The following TNRC18 variants were observed in gnomAD, a reference collection of about 807,000 sequenced individuals.
TNRC18 encodes the protein trinucleotide repeat containing 18.
A neutral mutation model predicts 226.7 loss-of-function variants in TNRC18; 69 were observed. That is an observed-to-expected ratio of 0.30 (90% CI 0.25 to 0.37). The LOEUF is 0.37. Ranked by LOEUF, TNRC18 falls within the 10% of genes least tolerant of loss-of-function variation. The probability of loss-of-function intolerance (pLI) is 1.00; values close to 1 mark genes in which losing one functional copy is unlikely to be tolerated. For synonymous variants in TNRC18, 2,449 were observed against 1,927.6 expected (o/e 1.27, Z -7.09); for missense variants, 4,754 against 4,256.6 (o/e 1.12, Z -3.25).
rs865847388 is a variant in TNRC18 at position 5,357,029 on chromosome 7, C to T, written c.5081G>A (p.Gly1694Asp). ...GGTTTTGGCTGCCCTTTTGTGTTTA[C>T]CTTCTCTGGAGGATTTCAGAGACAG... ...LGLSLKSSREGKHKRAAKTRK... is the reference protein window; with the variant it reads ...LGLSLKSSREDKHKRAAKTRK... Residue 1694 changes from glycine (G) to aspartate (D), a missense_variant, in exon 16 of 30, where the codon GGT (glycine) becomes GAT (aspartate). By Grantham distance (94) the Gly-to-Asp change is moderately conservative. Transcript: ENST00000430969. 4 of 1,552,326 alleles carry T rather than the reference C, an allele frequency of 2.6e-6. No individual in the cohort carries two copies. Among genetic ancestry groups the T allele is most frequent in the African/African-American group, 2.7e-5 (2 of 73,176 alleles).
At chr7:5,374,682 C>T (rs557073358) in intron 9 of TNRC18, among the ~76,000 whole-genome samples, 198 bp from the exon 10 acceptor site, 33 of 152,254 alleles carry the variant, frequency 2.2e-4, no homozygotes, top group Non-Finnish European at 3.4e-4. Context: ...CAGCGTTCCA[C>T]GCAGAACCCC....
chr7:5,353,002 G>A (rs1327811160), intron 16 of TNRC18, among the ~76,000 whole-genome samples: 1 of 152,182 alleles, frequency 6.6e-6, no homozygotes, highest in Non-Finnish European at 1.5e-5. Context: ...CGCATCCGTG[G>A]CGGGCATTCC....
intron 19 of TNRC18, among the ~76,000 whole-genome samples, chr7:5,331,596 G>A (rs1210447812): frequency 1.3e-5 from 2 of 152,148 alleles, no homozygotes; most frequent in Non-Finnish European, 2.9e-5. Context: ...AGTTACTCCA[G>A]GGACCTTAAA....
At chr7:5,418,603 G>A (rs1782338219) in intron 2 of TNRC18, among the ~76,000 whole-genome samples, 1 of 152,166 alleles carries the variant, frequency 6.6e-6, no homozygotes, top group East Asian at 1.9e-4. Context: ...CCCTAGCTGG[G>A]TGACCCCAAG....
At position 5,359,383 on chromosome 7, in the gene TNRC18, G is replaced by T. The variant is rs1417464044; in HGVS notation, c.4833+15C>A. 1.2e-6 allele frequency: 2 copies of T among 1,613,676 alleles called. No individual in the cohort carries two copies. Among genetic ancestry groups the T allele is most frequent in the African/African-American group, 1.3e-5 (1 of 74,884 alleles). ...CCTGAAAGATCTCACACACCTGGAA[G>T]ACTGGGTTACTCACCTGACTGATGA... On this transcript the variant is annotated intron_variant, in intron 15 of 29. Coordinates refer to ENST00000430969, the MANE Select transcript of TNRC18 (RefSeq NM_001080495.3).
At position 5,394,151 on chromosome 7, in the gene TNRC18, G is replaced by A. The variant is rs531754236; in HGVS notation, c.343+289C>T. Among the ~76,000 whole-genome samples, 2 of 152,232 alleles carry A rather than the reference G, an allele frequency of 1.3e-5. No individual in the cohort carries two copies. Among genetic ancestry groups the A allele is most frequent in the African/African-American group, 4.8e-5 (2 of 41,458 alleles). ...AGATAATCTGTCGTCACAAGCAAGT[G>A]ATGGAAGTGGGTGCGGAAGAGGGGG... On this transcript the variant is annotated intron_variant, in intron 3 of 29. Coordinates refer to ENST00000430969, the MANE Select transcript of TNRC18 (RefSeq NM_001080495.3). This position sits in a 1 kb window ranked among gnomAD's most constrained non-coding sequence, Gnocchi z 4.5.
intron 11 of TNRC18, among the ~76,000 whole-genome samples, chr7:5,364,079 T>C (rs1423627511): frequency 2.0e-5 from 3 of 152,064 alleles, no homozygotes; most frequent in Non-Finnish European, 1.5e-5. Context: ...AGGTGGATAA[T>C]TTGAGGTGAG....
intron 17 of TNRC18, among the ~76,000 whole-genome samples, chr7:5,348,732 G>A (rs559423216): frequency 1.9e-4 from 29 of 152,208 alleles, no homozygotes; most frequent in Admixed American, 4.6e-4. Context: ...ACTGGCCCCC[G>A]GAGCAATGGA....
rs1182216660 is a variant in TNRC18 at position 5,307,924 on chromosome 7, GCGTGCACACA to G, written c.*172_*181del. Reference sequence around the variant, plus strand: ...GGTGGGGCTGGAGGCATGTGCACATGCGTGCACACACGTGCATGCACACACACTCACCCGG... The same window carrying G: ...GGTGGGGCTGGAGGCATGTGCACATGCGTGCATGCACACACACTCACCCGG... On this transcript the variant is annotated 3_prime_UTR_variant, in exon 30 of 30. Coordinates refer to ENST00000430969, the MANE Select transcript of TNRC18 (RefSeq NM_001080495.3). The G allele has an allele frequency of 1.8e-5, 11 of 616,952 alleles. No individual in the cohort carries two copies. The Middle Eastern group carries it at 1.3e-3, about 74-fold the overall frequency. The allele number at this position is 616,952 out of a possible 1,614,324, so 38.2% of individuals were successfully genotyped here. A position where few individuals can be genotyped will look rare whatever the true frequency, so the allele number is the denominator to read the frequency against.
At chr7:5,400,214 T>C (rs772720935) in intron 2 of TNRC18, among the ~76,000 whole-genome samples, 1 of 152,086 alleles carries the variant, frequency 6.6e-6, no homozygotes, top group Non-Finnish European at 1.5e-5. Flanking sequence ...ATTGTTATTA[T>C]TTATGGTTAC....
intron 5 of TNRC18, among the ~76,000 whole-genome samples, chr7:5,381,219 C>A (rs528477957): frequency 2.0e-5 from 3 of 152,312 alleles, no homozygotes; most frequent in South Asian, 4.1e-4. Flanking sequence ...AGCCCTCTGT[C>A]CCCCACCCCT....
At position 5,309,972 on chromosome 7, in the gene TNRC18, G is replaced by C. The variant is rs1190511079; in HGVS notation, c.8389-604C>G. 3.9e-5 allele frequency among the ~76,000 whole-genome samples: 6 copies of C among 152,164 alleles called. No individual in the cohort carries two copies. The highest frequency in any genetic ancestry group is 3.9e-4 in the Admixed American group (6 of 15,278). ...CTGTCACCCAGGCAGGACTGCAGTGGTAATATCATAGCTCACTGCAGCCTC... is the reference window on the plus strand; with the variant it reads ...CTGTCACCCAGGCAGGACTGCAGTGCTAATATCATAGCTCACTGCAGCCTC... On this transcript the variant is annotated intron_variant, in intron 27 of 29. Coordinates refer to ENST00000430969, the MANE Select transcript of TNRC18 (RefSeq NM_001080495.3). The surrounding 1 kb of genome is among the most constrained non-coding windows in gnomAD (Gnocchi z 5.7).
At position 5,387,795 on chromosome 7, in the gene TNRC18, C is replaced by T. The variant is rs762391238; in HGVS notation, c.2029G>A (p.Val677Met). 1 of 1,607,530 alleles carries T rather than the reference C, an allele frequency of 6.2e-7. No individual in the cohort carries two copies. Residue 677 changes from valine (V) to methionine (M), a missense_variant, in exon 5 of 30, where the codon GTG (valine) becomes ATG (methionine). Coordinates refer to ENST00000430969, the MANE Select transcript of TNRC18 (RefSeq NM_001080495.3). ...GCAATGCCCACAGGCGGGTGTCGCA[C>T]TTCTGCCTCACCCTGGGCACCAGAG... is the stretch of plus-strand genomic sequence containing the variant. ...EGSGAQGEAEVRHPPVGIAVA... is the reference protein window; with the variant it reads ...EGSGAQGEAEMRHPPVGIAVA...
At chr7:5,310,618 T>G (rs1260142461) in intron 27 of TNRC18, among the ~76,000 whole-genome samples, 2 of 152,174 alleles carry the variant, frequency 1.3e-5, no homozygotes, top group African/African-American at 4.8e-5. Context: ...CACTGCAGCC[T>G]TGACCTCCCA....
chr7:5,383,665 A>C (rs945126360), intron 5 of TNRC18, among the ~76,000 whole-genome samples: 34 of 152,324 alleles, frequency 2.2e-4, no homozygotes, highest in African/African-American at 7.9e-4. Flanking sequence ...GCCCAGACAC[A>C]GGCGTCCCAG....
chr7:5,319,696 A>G (rs1183763794), intron 24 of TNRC18, among the ~76,000 whole-genome samples: 1 of 152,048 alleles, frequency 6.6e-6, no homozygotes, highest in Non-Finnish European at 1.5e-5. Context: ...TTTAGTAGAG[A>G]CGGGGTTTTA....
Position 5,315,066 on chromosome 7 carries a change from T to G in TNRC18, c.6945A>C (p.Lys2315Asn). ...RKTSKDTGEG[K>N]DGGTAGSEEP... ...CCTCCGACCCAGCCGTGCCACCATC[T>G]TTGCCCTCCCCAGTGTCTTTGCTGG... The change falls in exon 26 of 30, where the codon AAA becomes AAC. Residue 2315 changes from lysine (K) to asparagine (N), a missense_variant. Transcript: ENST00000430969. The G allele has an allele frequency of 1.2e-6, 2 of 1,612,176 alleles. No homozygotes were observed. Among genetic ancestry groups the G allele is most frequent in the Non-Finnish European group, 1.7e-6 (2 of 1,179,358 alleles).
intron 11 of TNRC18, among the ~76,000 whole-genome samples, chr7:5,370,018 A>C (rs1340045536): frequency 6.6e-6 from 1 of 152,210 alleles, no homozygotes; most frequent in Non-Finnish European, 1.5e-5. Flanking sequence ...CTTATAAAAA[A>C]ATGTTTAAGA....
Position 5,377,265 on chromosome 7 carries a change from C to G in TNRC18, c.2461+106G>C, listed in dbSNP as rs954281474. On this transcript the variant is annotated intron_variant, in intron 7 of 29. Coordinates refer to ENST00000430969, the MANE Select transcript of TNRC18 (RefSeq NM_001080495.3). The surrounding 1 kb of genome is among the most constrained non-coding windows in gnomAD (Gnocchi z 5.8). ...ACGAATGCGGGAGGCAGGCCCAGGC[C>G]CCCCAGGAAACGGCAGGCAGGAGCC... The G allele has an allele frequency of 6.3e-6, 8 of 1,269,432 alleles. No homozygotes were observed. The highest frequency in any genetic ancestry group is 1.5e-5 in the African/African-American group (1 of 66,040). The allele number at this position is 1,269,432 out of a possible 1,614,324, so 78.6% of individuals were successfully genotyped here.
Sources: gnomAD v4.1 joint callset for allele counts (sites outside exome capture counted in the v4.1 genomes callset) on GRCh38, gnomAD v4.1.1 for gene constraint, Gnocchi (gnomAD v3.1) non-coding constraint, MANE v1.5 for transcripts, NCBI Gene and HGNC (gene_info 2026-07-23, HGNC 2026-07-21) for gene names.